Variants in SAP130 observed in about 807,000 individuals in gnomAD.
SAP130 encodes the protein histone deacetylase complex subunit SAP130.
Under a neutral mutation model 103.2 loss-of-function variants are expected in SAP130, and 16 were observed. The ratio of observed to expected loss-of-function variants is 0.16; its 90% CI spans 0.10 to 0.24. The LOEUF (loss-of-function observed/expected upper bound fraction) is 0.24. Among genes scored for constraint, SAP130 ranks in the 10% least tolerant of loss-of-function variants. The pLI, the probability that SAP130 is intolerant of heterozygous loss-of-function variation, is 1.00. For synonymous variants in SAP130, 477 were observed against 497.0 expected, an observed-to-expected ratio of 0.96 and a Z score of 0.53; for missense variants, 990 against 1,359.7, an observed-to-expected ratio of 0.73 and a Z score of 4.28.
chr2:128,017,950 C>T lies in SAP130; in HGVS notation c.113-35G>A, dbSNP rs767539163. 4.5e-6 allele frequency: 7 copies of T among 1,540,820 alleles called. No homozygotes were observed. The Admixed American group carries it at 1.2e-4, about 26-fold the overall frequency. On this transcript the variant is annotated intron_variant, in intron 2 of 20. Coordinates refer to ENST00000643581, the MANE Select transcript of SAP130 (RefSeq NM_001330301.2). Reference sequence around the variant, plus strand: ...ACATTAAGAGTGAGACAGTATGTCACAGTCTCCCAGTGTAAGATAGCAGCA... The same window carrying T: ...ACATTAAGAGTGAGACAGTATGTCATAGTCTCCCAGTGTAAGATAGCAGCA...
chr2:128,016,732 A>G (rs1051306165), intron 3 of SAP130, among the ~76,000 whole-genome samples, 185 bp from the exon 4 acceptor site: 14 of 152,236 alleles, frequency 9.2e-5, no homozygotes, highest in African/African-American at 3.4e-4. Context: ...TTTCACAGAT[A>G]AAGAAACATA....
intron 6 of SAP130, among the ~76,000 whole-genome samples, chr2:128,011,521 C>T (rs1684396013): frequency 6.6e-6 from 1 of 152,190 alleles, no homozygotes; most frequent in African/African-American, 2.4e-5. Flanking sequence ...GTGTCTCACA[C>T]TAGGGCTACA....
Position 127,996,451 on chromosome 2 carries a change from C to T in SAP130, c.1254G>A (p.Arg418=). 6.2e-7 allele frequency: 1 copy of T among 1,603,980 alleles called. No individual in the cohort carries two copies. The highest frequency in any genetic ancestry group is 8.5e-7 in the Non-Finnish European group (1 of 1,175,046). The stretch of plus-strand genomic sequence containing the variant: ...TCTCGGCAGGGTAGTCTGGCTGGAT[C>T]CGAGGAGAAGTGTGCGTGATCTGCT... ...VPQQITHTSP[R]IQPDYPAERS... is the part of the protein sequence containing the mutation. Residue 418 remains arginine, a synonymous_variant, in exon 11 of 21, where the codon CGG becomes CGA. Coordinates refer to ENST00000643581, the MANE Select transcript of SAP130 (RefSeq NM_001330301.2). This position sits in a 1 kb window ranked among gnomAD's most constrained non-coding sequence, Gnocchi z 4.3.
intron 15 of SAP130, among the ~76,000 whole-genome samples, chr2:127,968,762 C>T (rs952102002): frequency 2.6e-5 from 4 of 152,076 alleles, no homozygotes; most frequent in African/African-American, 9.7e-5. Context: ...GTAATCCACC[C>T]ACCTCAGCCT....
At chr2:127,971,933 T>C (rs1210599158) in intron 15 of SAP130, among the ~76,000 whole-genome samples, 1 of 152,256 alleles carries the variant, frequency 6.6e-6, no homozygotes, top group Non-Finnish European at 1.5e-5. Context: ...ATATTAATCC[T>C]TTTTTGTTAC....
chr2:127,992,475 T>G (rs183628069), intron 12 of SAP130, among the ~76,000 whole-genome samples: 12 of 151,828 alleles, frequency 7.9e-5, no homozygotes, highest in Admixed American at 7.2e-4. Context: ...AGACAGGGTT[T>G]CTCCATGTTG....
At chr2:127,993,964 G>A (rs576481765) in intron 11 of SAP130, among the ~76,000 whole-genome samples, 1 of 151,962 alleles carries the variant, frequency 6.6e-6, no homozygotes, top group African/African-American at 2.4e-5. Flanking sequence ...TACTAATATT[G>A]GAACAGGAGA....
chr2:127,978,375 G>A (rs565032951), intron 14 of SAP130, among the ~76,000 whole-genome samples: 12 of 151,802 alleles, frequency 7.9e-5, no homozygotes, highest in African/African-American at 2.4e-4. Flanking sequence ...TCTTTTAGCC[G>A]CTGCTTCTAG....
chr2:128,008,315 G>C (rs747081664), intron 7 of SAP130, among the ~76,000 whole-genome samples: 7 of 152,124 alleles, frequency 4.6e-5, no homozygotes, highest in Non-Finnish European at 1.0e-4. Context: ...AAGCCTTTAA[G>C]ATCATCCCTC....
rs184026604 is a variant in SAP130, at chr2:127,942,700, G to A, written c.2902-163C>T. On this transcript the variant is annotated intron_variant, in intron 19 of 20. Coordinates refer to ENST00000643581, the MANE Select transcript of SAP130 (RefSeq NM_001330301.2). The surrounding 1 kb of genome is among the most constrained non-coding windows in gnomAD (Gnocchi z 4.8). The stretch of plus-strand genomic sequence containing the variant: ...ACTAAGATACTAAGGTTTAAAAACA[G>A]TAAAGGGGCTGGGCGCGGTGGCTCA... Among the ~76,000 whole-genome samples, 428 of 152,300 alleles carry A rather than the reference G, an allele frequency of 2.8e-3. 2 individuals carry two copies. Among genetic ancestry groups the A allele is most frequent in the African/African-American group, 9.8e-3 (409 of 41,562 alleles).
intron 4 of SAP130, among the ~76,000 whole-genome samples, chr2:128,016,072 A>G (rs963557646): frequency 6.6e-6 from 1 of 152,066 alleles, no homozygotes; most frequent in Non-Finnish European, 1.5e-5. Context: ...TCTTGACGCT[A>G]AAACCAAACA....
chr2:128,003,182 G>A (rs2105108538), intron 7 of SAP130, among the ~76,000 whole-genome samples: 1 of 151,770 alleles, frequency 6.6e-6, no homozygotes, highest in African/African-American at 2.4e-5. Context: ...CCAATTTGGG[G>A]CACTGGGAGC....
At chr2:127,948,398 G>A (rs900199675) in intron 18 of SAP130, among the ~76,000 whole-genome samples, 4 of 143,740 alleles carry the variant, frequency 2.8e-5, no homozygotes, top group African/African-American at 1.0e-4. Context: ...TGGTAGCGGT[G>A]GTGCGATCTT....
chr2:128,003,487 G>A lies in SAP130; in HGVS notation c.870-3033C>T, dbSNP rs1021067506. 2.7e-5 allele frequency among the ~76,000 whole-genome samples: 4 copies of A among 149,670 alleles called. No homozygotes were observed. The East Asian group carries it at 8.3e-4, about 31-fold the overall frequency. ...GCGCCACTGCAACCTTGACTTCTGGGGTTCAAGGTCTCCTCCCACCTCAGC... is the reference window on the plus strand; with the variant it reads ...GCGCCACTGCAACCTTGACTTCTGGAGTTCAAGGTCTCCTCCCACCTCAGC... On this transcript the variant is annotated intron_variant, in intron 7 of 20. Transcript: ENST00000643581.
intron 14 of SAP130, among the ~76,000 whole-genome samples, chr2:127,982,011 C>T (rs919050970): frequency 6.6e-6 from 1 of 152,108 alleles, no homozygotes; most frequent in African/African-American, 2.4e-5. Flanking sequence ...CTTACAGTAA[C>T]ATTGTTTCTT....
chr2:127,962,404 T>G lies in SAP130; in HGVS notation c.2064-7060A>C, dbSNP rs548159688. Among the ~76,000 whole-genome samples the G allele has an allele frequency of 2.4e-4, 36 of 152,346 alleles. No homozygotes were observed. The South Asian group carries it at 7.5e-3, about 32-fold the overall frequency. On this transcript the variant is annotated intron_variant, in intron 15 of 20. Coordinates refer to ENST00000643581, the MANE Select transcript of SAP130 (RefSeq NM_001330301.2). ...TATATACCCAAAGGATTATAAATCA[T>G]GCTGCTATAAAGACACATGCACACG...
chr2:128,010,590 G>A (rs1684322638), intron 6 of SAP130, among the ~76,000 whole-genome samples, 197 bp from the exon 7 acceptor site: 1 of 152,154 alleles, frequency 6.6e-6, no homozygotes, highest in Non-Finnish European at 1.5e-5. Flanking sequence ...CGGGCACGGT[G>A]GCTCACGCCT....
intron 7 of SAP130, among the ~76,000 whole-genome samples, chr2:128,002,346 A>G (rs528972700): frequency 6.6e-6 from 1 of 152,230 alleles, no homozygotes; most frequent in East Asian, 1.9e-4. Context: ...CCTGGCCAAC[A>G]TGGTAAAACC....
At chr2:127,975,068 T>A (rs1240390667) in intron 15 of SAP130, among the ~76,000 whole-genome samples, 2 of 152,224 alleles carry the variant, frequency 1.3e-5, no homozygotes, top group African/African-American at 4.8e-5. Flanking sequence ...GTTATGTGGC[T>A]AGCTCTATGG....
Sources: gnomAD v4.1 joint callset for allele counts (sites outside exome capture counted in the v4.1 genomes callset) on GRCh38, gnomAD v4.1.1 for gene constraint, Gnocchi (gnomAD v3.1) non-coding constraint, MANE v1.5 for transcripts, NCBI Gene and HGNC (gene_info 2026-07-23, HGNC 2026-07-21) for gene names.